Variants in PDE3A observed in about 807,000 individuals in gnomAD.
PDE3A encodes the protein phosphodiesterase 3A.
A neutral mutation model predicts 98.3 loss-of-function variants in PDE3A; 43 were observed. The ratio of observed to expected loss-of-function variants is 0.44; its 90% CI spans 0.34 to 0.56. The LOEUF is 0.56. Ranked by LOEUF, PDE3A falls within the 20% of genes least tolerant of loss-of-function variation. The probability of loss-of-function intolerance (pLI) is 0.01; values close to 1 mark genes in which losing one functional copy is unlikely to be tolerated. For synonymous variants in PDE3A, 663 were observed against 567.9 expected (o/e 1.17, Z -2.38); for missense variants, 1,427 against 1,440.7 (o/e 0.99, Z 0.15).
At chr12:20,388,703 T>G (rs1943857473) in intron 1 of PDE3A, among the ~76,000 whole-genome samples, 1 of 152,048 alleles carries the variant, frequency 6.6e-6, no homozygotes, top group Non-Finnish European at 1.5e-5. Flanking sequence ...TTCTATGTTT[T>G]GTTGTTTTCG....
At chr12:20,494,074 A>G (rs1157007755) in intron 1 of PDE3A, among the ~76,000 whole-genome samples, 3 of 152,140 alleles carry the variant, frequency 2.0e-5, no homozygotes, top group Non-Finnish European at 2.9e-5. Context: ...TGAACTTCTA[A>G]CCTCTAATTT....
intron 1 of PDE3A, among the ~76,000 whole-genome samples, chr12:20,395,574 A>G (rs1315010405): frequency 8.9e-6 from 1 of 112,206 alleles, no homozygotes; most frequent in Non-Finnish European, 1.8e-5. Flanking sequence ...ATATATACAT[A>G]GTATTATATA....
At chr12:20,652,043 T>C (rs1314746795) in intron 14 of PDE3A, among the ~76,000 whole-genome samples, 1 of 152,096 alleles carries the variant, frequency 6.6e-6, no homozygotes, top group Non-Finnish European at 1.5e-5. Flanking sequence ...CTTGCGATAG[T>C]TTGCTGAGAA....
intron 1 of PDE3A, among the ~76,000 whole-genome samples, chr12:20,503,683 A>G (rs1946064440): frequency 6.6e-6 from 1 of 152,074 alleles, no homozygotes; most frequent in Admixed American, 6.6e-5. Context: ...GCATGTTATT[A>G]TGTCATAACT....
chr12:20,662,333 G>A (rs1342696625), intron 15 of PDE3A, among the ~76,000 whole-genome samples: 4 of 151,362 alleles, frequency 2.6e-5, no homozygotes, highest in African/African-American at 9.7e-5. Flanking sequence ...TAAAGATGAG[G>A]AACTTGTTGA....
chr12:20,575,470 T>C (rs1379834281), intron 2 of PDE3A, among the ~76,000 whole-genome samples: 1 of 152,182 alleles, frequency 6.6e-6, no homozygotes, highest in African/African-American at 2.4e-5. Flanking sequence ...AACTCTAAGA[T>C]AAATTTGCCT....
chr12:20,565,196 A>G (rs7962386), intron 2 of PDE3A, among the ~76,000 whole-genome samples: 114,540 of 151,938 alleles, frequency 0.75, 44,615 homozygotes, highest in South Asian at 0.89. Context: ...AAATATACAC[A>G]TTCTGAAAAA....
chr12:20,443,439 A>G (rs1591937795), intron 1 of PDE3A, among the ~76,000 whole-genome samples: 1 of 151,242 alleles, frequency 6.6e-6, no homozygotes, highest in African/African-American at 2.4e-5. Context: ...GTAATACCTC[A>G]TTTTTTTTTA....
chr12:20,640,994 A>AT (rs750807581), intron 10 of PDE3A, among the ~76,000 whole-genome samples: 182 of 152,228 alleles, frequency 1.2e-3, no homozygotes, highest in Non-Finnish European at 2.3e-3. Context: ...CTTTTTCGTA[A>AT]TTGTAAAGAG....
rs1942245353 is a variant in PDE3A at position 20,552,645 on chromosome 12, GC to G, written c.961-4012del. On this transcript the variant is annotated intron_variant, in intron 1 of 15. Coordinates refer to ENST00000359062, the MANE Select transcript of PDE3A (RefSeq NM_000921.5). The surrounding 1 kb of genome is among the most constrained non-coding windows in gnomAD (Gnocchi z 5.1). ...GGACATCCAAGAAAACCAAGGTGGA[GC>G]CCTACAGTCTCACGGCCCAGCAGAG... The G allele has an allele frequency of 1.2e-6, 2 of 1,613,822 alleles. No individual in the cohort carries two copies. Among genetic ancestry groups the G allele is most frequent in the African/African-American group, 2.7e-5 (2 of 74,956 alleles).
At position 20,369,213 on chromosome 12, in the gene PDE3A, G is replaced by A; in HGVS notation, c.-72G>A. On this transcript the variant is annotated 5_prime_UTR_variant, in exon 1 of 16. Transcript: ENST00000359062. ...TGCGTGTGTGTGTGTGTGTGTGTGC[G>A]CGCGCGCGCGTGGGTCGGGGCGGGG... The A allele has an allele frequency of 1.8e-6, 2 of 1,102,826 alleles. No individual in the cohort carries two copies. Among genetic ancestry groups the A allele is most frequent in the Non-Finnish European group, 1.3e-6 (1 of 790,062 alleles). 68.3% of individuals were successfully genotyped at this position (1,102,826 alleles called of 1,614,324 possible).
In PDE3A at chr12:20,633,764, C is replaced by A. The variant is rs1246332430; in HGVS notation, c.1832C>A (p.Thr611Lys). ...PLERSGVATR[T>K]PSRTDDTAQV... ...GAGAGAAGTGGGGTAGCCACTCGGA[C>A]ACCAAGTAGAACAGGTAATTCATTG... is the stretch of plus-strand genomic sequence containing the variant. The change falls in exon 7 of 16, where the codon ACA (threonine) becomes AAA (lysine). Residue 611 changes from threonine to lysine, a missense_variant. This residue lies in a region of PDE3A where 1,012 missense variants were observed against 886.5 expected (regional missense o/e 1.14). Transcript: ENST00000359062. 3 of 1,596,040 alleles carry A rather than the reference C, an allele frequency of 1.9e-6. No individual in the cohort carries two copies.
chr12:20,573,750 TTTAA>T (rs1410576319), intron 2 of PDE3A, among the ~76,000 whole-genome samples: 1 of 152,150 alleles, frequency 6.6e-6, no homozygotes, highest in Non-Finnish European at 1.5e-5. Context: ...TTCATTTTTA[TTTAA>T]TTATTTGCTA....
rs1304772266 is a variant in PDE3A, at chr12:20,682,680, AT to A, written c.*2413del. 6.6e-6 allele frequency: 1 copy of A among 152,186 alleles called. No homozygotes were observed. Among genetic ancestry groups the A allele is most frequent in the Non-Finnish European group, 1.5e-5 (1 of 68,022 alleles). 9.4% of individuals were successfully genotyped at this position (152,186 alleles called of 1,614,324 possible). ...GTTTGCAAAAATTACTATAAGTCAA[AT>A]TTTGCCAGTGAATTTAACTATTTTT... On this transcript the variant is annotated 3_prime_UTR_variant, in exon 16 of 16. Coordinates refer to ENST00000359062, the MANE Select transcript of PDE3A (RefSeq NM_000921.5).
chr12:20,496,638 G>A (rs949179890), intron 1 of PDE3A, among the ~76,000 whole-genome samples: 4 of 151,952 alleles, frequency 2.6e-5, no homozygotes, highest in East Asian at 1.9e-4. Context: ...TCCACGTTCC[G>A]TTGTTGGAAT....
intron 1 of PDE3A, chr12:20,553,054 G>T: frequency 3.3e-6 from 4 of 1,223,890 alleles, no homozygotes; most frequent in Non-Finnish European, 4.6e-6. Flanking sequence ...AAAACGTGTC[G>T]GAGGGCTCGT....
chr12:20,428,803 G>A (rs1446997421), intron 1 of PDE3A, among the ~76,000 whole-genome samples: 1 of 152,106 alleles, frequency 6.6e-6, no homozygotes, highest in Non-Finnish European at 1.5e-5. Flanking sequence ...AAAGGACAAT[G>A]TATAAATGCG....
At chr12:20,489,206 A>G (rs570027353) in intron 1 of PDE3A, among the ~76,000 whole-genome samples, 2 of 152,220 alleles carry the variant, frequency 1.3e-5, no homozygotes, top group South Asian at 2.1e-4. Flanking sequence ...AGGACTTCGT[A>G]TTTTATTTTC....
intron 1 of PDE3A, among the ~76,000 whole-genome samples, chr12:20,471,264 G>A (rs1467444153): frequency 1.3e-5 from 2 of 152,082 alleles, no homozygotes; most frequent in Admixed American, 6.6e-5. Context: ...TTTTTAATTT[G>A]TCTACAAGTG....
Sources: gnomAD v4.1 joint callset for allele counts (sites outside exome capture counted in the v4.1 genomes callset) on GRCh38, gnomAD v4.1.1 for gene constraint, gnomAD v4.1.1 regional missense constraint, Gnocchi (gnomAD v3.1) non-coding constraint, MANE v1.5 for transcripts, NCBI Gene and HGNC (gene_info 2026-07-23, HGNC 2026-07-21) for gene names.